The following HECW1 variants were observed in gnomAD, a reference collection of about 807,000 sequenced individuals.
The protein encoded by HECW1 is HECT, C2 and WW domain containing E3 ubiquitin protein ligase 1, also known as E3 ubiquitin-protein ligase HECW1.
A neutral mutation model predicts 182.3 loss-of-function variants in HECW1; 61 were observed. The ratio of observed to expected loss-of-function variants is 0.33; its 90% CI spans 0.27 to 0.41. The LOEUF (loss-of-function observed/expected upper bound fraction) is 0.41, where lower values mean the gene tolerates loss of function less well. Among genes scored for constraint, HECW1 ranks in the 10% least tolerant of loss-of-function variants. The probability of loss-of-function intolerance (pLI) is 1.00; values close to 1 mark genes in which losing one functional copy is unlikely to be tolerated. For missense variants in HECW1, 1,739 were observed against 2,108.9 expected, an observed-to-expected ratio of 0.82 and a Z score of 3.44; for synonymous variants, 859 against 832.6, an observed-to-expected ratio of 1.03 and a Z score of -0.55.
intron 5 of HECW1, among the ~76,000 whole-genome samples, chr7:43,342,623 T>C (rs2152801208): frequency 6.6e-6 from 1 of 151,032 alleles, no homozygotes; most frequent in African/African-American, 2.5e-5. Context: ...TACAGAGTAA[T>C]TATAGCTTTT....
intron 21 of HECW1, among the ~76,000 whole-genome samples, chr7:43,506,850 T>A (rs1018023148): frequency 6.6e-6 from 1 of 152,186 alleles, no homozygotes; most frequent in African/African-American, 2.4e-5. Context: ...GTGAATCACC[T>A]GAAGTCAGGA....
intron 3 of HECW1, among the ~76,000 whole-genome samples, chr7:43,277,156 G>A (rs573818164): frequency 1.3e-5 from 2 of 152,256 alleles, no homozygotes; most frequent in Admixed American, 1.3e-4. Flanking sequence ...TAGGTAAAAT[G>A]TGAAGATGAA....
chr7:43,165,352 A>G (rs141796510), intron 2 of HECW1, among the ~76,000 whole-genome samples: 44 of 151,000 alleles, frequency 2.9e-4, no homozygotes, highest in Non-Finnish European at 5.3e-4. Flanking sequence ...ATTATGTTAC[A>G]TATCATGAGG....
chr7:43,319,393 C>CAAAAAAA (rs529109893), intron 4 of HECW1, among the ~76,000 whole-genome samples: 3 of 67,714 alleles, frequency 4.4e-5, no homozygotes, highest in African/African-American at 1.2e-4. Context: ...GACTCCGTCT[C>CAAAAAAA]AAAAAAAAAA....
intron 6 of HECW1, among the ~76,000 whole-genome samples, chr7:43,378,933 G>A (rs2074435032): frequency 6.6e-6 from 1 of 152,138 alleles, no homozygotes; most frequent in Non-Finnish European, 1.5e-5. Flanking sequence ...GAACAGGAAA[G>A]AAAATAGGGA....
chr7:43,317,198 T>C (rs988098803), intron 4 of HECW1, among the ~76,000 whole-genome samples: 1 of 152,148 alleles, frequency 6.6e-6, no homozygotes, highest in Non-Finnish European at 1.5e-5. Context: ...CAGCATCCTG[T>C]GTCTACTCTC....
At chr7:43,180,684 C>A (rs375878157) in intron 2 of HECW1, among the ~76,000 whole-genome samples, 2 of 152,276 alleles carry the variant, frequency 1.3e-5, no homozygotes, top group Non-Finnish European at 2.9e-5. Context: ...CGTGAGCCAC[C>A]GCGCCTGGCC....
chr7:43,460,560 G>A (rs564787615), intron 13 of HECW1, among the ~76,000 whole-genome samples: 2 of 148,958 alleles, frequency 1.3e-5, no homozygotes, highest in East Asian at 1.9e-4. Flanking sequence ...GCGTGTGTGC[G>A]TGTGTGTGTG....
chr7:43,130,744 T>C (rs1786822653), intron 2 of HECW1, among the ~76,000 whole-genome samples: 1 of 152,218 alleles, frequency 6.6e-6, no homozygotes, highest in African/African-American at 2.4e-5. Context: ...ATTTTGACTG[T>C]GACCTGGCAC....
intron 2 of HECW1, among the ~76,000 whole-genome samples, chr7:43,225,668 T>G (rs560431307): frequency 3.7e-4 from 57 of 152,340 alleles, no homozygotes; most frequent in African/African-American, 1.4e-3. Context: ...ATTATGATTA[T>G]GAAACTATTC....
At chr7:43,308,039 T>A (rs1351174917) in intron 3 of HECW1, among the ~76,000 whole-genome samples, 1 of 114,226 alleles carries the variant, frequency 8.8e-6, no homozygotes, top group Non-Finnish European at 1.6e-5. Context: ...ATATATTATA[T>A]TGTATTATAT....
intron 2 of HECW1, among the ~76,000 whole-genome samples, chr7:43,148,173 A>G (rs760062283): frequency 1.3e-5 from 2 of 152,236 alleles, no homozygotes; most frequent in Non-Finnish European, 2.9e-5. Context: ...GAGGTGAGCT[A>G]TAAAACAGGA....
intron 29 of HECW1, among the ~76,000 whole-genome samples, chr7:43,559,089 G>A (rs1375125471): frequency 6.6e-6 from 1 of 152,200 alleles, no homozygotes; most frequent in Non-Finnish European, 1.5e-5. Flanking sequence ...GTGGTCTCTA[G>A]TAGAGAGGAG....
At chr7:43,217,939 G>A (rs1380384207) in intron 2 of HECW1, among the ~76,000 whole-genome samples, 1 of 151,878 alleles carries the variant, frequency 6.6e-6, no homozygotes, top group Non-Finnish European at 1.5e-5. Context: ...ATCCTTCTGG[G>A]GCTGGAGAGT....
At chr7:43,357,232 C>T (rs1336882964) in intron 5 of HECW1, among the ~76,000 whole-genome samples, 2 of 152,052 alleles carry the variant, frequency 1.3e-5, no homozygotes, top group Non-Finnish European at 2.9e-5. Context: ...GGGTATATAG[C>T]AAAAGAAAGG....
At chr7:43,169,260 A>G (rs1188437836) in intron 2 of HECW1, among the ~76,000 whole-genome samples, 1 of 152,200 alleles carries the variant, frequency 6.6e-6, no homozygotes, top group Non-Finnish European at 1.5e-5. Flanking sequence ...AAATACCTGT[A>G]TGGAGGTGAA....
chr7:43,510,036 A>G (rs2079786478), intron 24 of HECW1: 1 of 152,322 alleles, frequency 6.6e-6, no homozygotes, highest in Non-Finnish European at 1.5e-5. Context: ...CCAGCCCTGA[A>G]GTTCTTGAGA....
At chr7:43,262,389 A>G (rs982324485) in intron 3 of HECW1, among the ~76,000 whole-genome samples, 1 of 152,154 alleles carries the variant, frequency 6.6e-6, no homozygotes, top group African/African-American at 2.4e-5. Context: ...CATTCACAGC[A>G]GCTTACAAGG....
chr7:43,172,250 C>T (rs1296161919), intron 2 of HECW1, among the ~76,000 whole-genome samples: 2 of 151,740 alleles, frequency 1.3e-5, no homozygotes, highest in Admixed American at 6.6e-5. Context: ...GCCGAGATTG[C>T]GCCACTGCAC....
Sources: gnomAD v4.1 joint callset for allele counts (sites outside exome capture counted in the v4.1 genomes callset) on GRCh38, gnomAD v4.1.1 for gene constraint, MANE v1.5 for transcripts, NCBI Gene and HGNC (gene_info 2026-07-23, HGNC 2026-07-21) for gene names.